C4orf50: variants seen among roughly 807,000 people sequenced by gnomAD.
C4orf50 encodes uncharacterized protein C4orf50.
In C4orf50, 80 loss-of-function variants were observed where a neutral mutation model predicts 77.2. The observed-to-expected ratio is 1.04, with a 90% CI of 0.87 to 1.25. C4orf50 has a LOEUF of 1.25. Among genes scored for constraint, C4orf50 ranks in the 50% most tolerant of loss-of-function variants. C4orf50 has a pLI of 0.00. For synonymous variants in C4orf50, 532 were observed against 465.3 expected, an observed-to-expected ratio of 1.14 and a Z score of -1.84; for missense variants, 1,257 against 1,152.9, an observed-to-expected ratio of 1.09 and a Z score of -1.31.
At chr4:5,923,544 G>T (rs991218529) in intron 7 of C4orf50, among the ~76,000 whole-genome samples, 2 of 152,026 alleles carry the variant, frequency 1.3e-5, no homozygotes, top group African/African-American at 4.8e-5. Flanking sequence ...GAGAATGATA[G>T]AAAGGAGGCA....
chr4:5,912,526 G>A (rs1383285568), intron 7 of C4orf50, among the ~76,000 whole-genome samples: 2 of 152,178 alleles, frequency 1.3e-5, no homozygotes, highest in Non-Finnish European at 2.9e-5. Context: ...TGTAAAAGGG[G>A]TATGATGGTG....
chr4:5,953,672 G>A (rs1409661644), downstream of C4orf50, among the ~76,000 whole-genome samples: 1 of 152,208 alleles, frequency 6.6e-6, no homozygotes, highest in Non-Finnish European at 1.5e-5. Context: ...ATGGGGGCAG[G>A]TCCAGCCCCT....
chr4:5,937,638 T>C (rs982580453), intron 7 of C4orf50, among the ~76,000 whole-genome samples: 3 of 152,170 alleles, frequency 2.0e-5, no homozygotes, highest in African/African-American at 4.8e-5. Flanking sequence ...AGACAAGGAT[T>C]GTTGTAAGCT....
At chr4:5,996,641 G>C (rs565528328) in intron 25 of C4orf50, among the ~76,000 whole-genome samples, 1 of 152,214 alleles carries the variant, frequency 6.6e-6, no homozygotes, top group African/African-American at 2.4e-5. Flanking sequence ...TGGGTTGGTG[G>C]CCTCCTGTTG....
intron 27 of C4orf50, among the ~76,000 whole-genome samples, chr4:5,991,120 G>A (rs1721261104): frequency 6.6e-6 from 1 of 152,036 alleles, no homozygotes; most frequent in African/African-American, 2.4e-5. Flanking sequence ...CCTCACTCTC[G>A]GGCCATCCAC....
At chr4:5,989,904 C>G in exon 28 of C4orf50, 1 of 1,431,240 alleles carries the variant, frequency 7.0e-7, no homozygotes, top group African/African-American at 1.4e-5. Context: ...CTTGCAGAAG[C>G]AGAGCATTTC....
intron 7 of C4orf50, among the ~76,000 whole-genome samples, chr4:5,950,695 A>T (rs576943302): frequency 2.6e-5 from 2 of 75,864 alleles, no homozygotes; most frequent in East Asian, 4.0e-4. Flanking sequence ...TTTCCTACCC[A>T]CTGTCTCCAC....
In C4orf50 at chr4:6,000,140, G is replaced by A. The variant is rs115550073; in HGVS notation, c.964-5664C>T. 5.2e-3 allele frequency among the ~76,000 whole-genome samples: 791 copies of A among 152,188 alleles called. 1 individual carries two copies. The highest frequency in any genetic ancestry group is 9.5e-3 in the Non-Finnish European group (644 of 68,000). On this transcript the variant is annotated intron_variant, in intron 25 of 33. Coordinates refer to ENST00000531445, the Ensembl canonical transcript of C4orf50. This position sits in a 1 kb window ranked among gnomAD's most constrained non-coding sequence, Gnocchi z 6.0. ...TGCTGAAGACCTGCGTGTGGCTCTCGGTCCTCCTGGGTCACTCCCAGTCCT... is the reference window on the plus strand; with the variant it reads ...TGCTGAAGACCTGCGTGTGGCTCTCAGTCCTCCTGGGTCACTCCCAGTCCT...
chr4:5,950,006 A>AC (rs1449884038), intron 7 of C4orf50, among the ~76,000 whole-genome samples: 1 of 150,048 alleles, frequency 6.7e-6, no homozygotes, highest in Non-Finnish European at 1.5e-5. Context: ...AAAAAAAAAA[A>AC]GGTTAAAATG....
At chr4:5,940,665 C>T in intron 7 of C4orf50, among the ~76,000 whole-genome samples, 1 of 152,190 alleles carries the variant, frequency 6.6e-6, no homozygotes, top group East Asian at 1.9e-4. Context: ...ACTCCCCTGC[C>T]CCTCCCAGCT....
intron 7 of C4orf50, chr4:5,899,983 C>T (rs1171955838): frequency 6.6e-6 from 1 of 152,208 alleles, no homozygotes; most frequent in Non-Finnish European, 1.5e-5. Context: ...CCTGGACTCC[C>T]AGCCCAGAGC....
intron 7 of C4orf50, among the ~76,000 whole-genome samples, chr4:5,912,124 AT>A (rs1468094737): frequency 1.3e-5 from 2 of 152,122 alleles, no homozygotes; most frequent in Non-Finnish European, 2.9e-5. Flanking sequence ...GATTTTCGGC[AT>A]TTTTTAATTT....
chr4:5,991,027 T>A (rs1054052330), intron 27 of C4orf50, among the ~76,000 whole-genome samples: 1 of 152,196 alleles, frequency 6.6e-6, no homozygotes, highest in Non-Finnish European at 1.5e-5. Flanking sequence ...TTCCCCTAGA[T>A]GCCCTCATGG....
chr4:6,001,099 AG>A (rs1721812257), intron 25 of C4orf50, among the ~76,000 whole-genome samples: 2 of 152,212 alleles, frequency 1.3e-5, no homozygotes, highest in Non-Finnish European at 2.9e-5. Flanking sequence ...TGGTTTTTCA[AG>A]GGCCATGGTT....
intron 7 of C4orf50, among the ~76,000 whole-genome samples, chr4:5,935,535 C>T (rs565513017): frequency 6.6e-5 from 10 of 152,212 alleles, no homozygotes; most frequent in African/African-American, 2.4e-4. Flanking sequence ...TGACTGTGAT[C>T]CCAGCACTTT....
intron 7 of C4orf50, among the ~76,000 whole-genome samples, chr4:5,909,341 A>G (rs1018785006): frequency 1.3e-5 from 2 of 152,200 alleles, no homozygotes; most frequent in Non-Finnish European, 2.9e-5. Flanking sequence ...TATTTTGCCC[A>G]TTTTAAAATC....
exon 28 of C4orf50, chr4:5,989,826 C>T: frequency 6.8e-7 from 1 of 1,480,796 alleles, no homozygotes; most frequent in Non-Finnish European, 8.9e-7. Context: ...CCCTGCACCC[C>T]AGACCGGATG....
At chr4:5,937,278 A>G (rs1718066899) in intron 7 of C4orf50, among the ~76,000 whole-genome samples, 1 of 152,196 alleles carries the variant, frequency 6.6e-6, no homozygotes, top group South Asian at 2.1e-4. Flanking sequence ...GGGAAACATA[A>G]AAGATGCAAG....
chr4:6,008,198 C>T lies in C4orf50; in HGVS notation c.761G>A (p.Arg254Gln), dbSNP rs1307979454. 7.5e-6 allele frequency: 3 copies of T among 397,762 alleles called. No homozygotes were observed. The highest frequency in any genetic ancestry group is 4.1e-5 in the African/African-American group (2 of 48,584). The allele number at this position is 397,762 out of a possible 1,614,324, so 24.6% of individuals were successfully genotyped here. A position where few individuals can be genotyped will look rare whatever the true frequency, so the allele number is the denominator to read the frequency against. ...CTGCAGGCTGCGCGCCGCCTCTTCC[C>T]GCTCGCGCTCGCTGCGCTCTGCCCT... The change falls in exon 25 of 34, where the codon CGG (arginine) becomes CAG (glutamine). Residue 254 changes from arginine to glutamine, a missense_variant. Transcript: ENST00000531445. This position sits in a 1 kb window ranked among gnomAD's most constrained non-coding sequence, Gnocchi z 6.0.
Sources: allele counts gnomAD v4.1 joint callset (sites outside exome capture counted in the v4.1 genomes callset), GRCh38; gene constraint gnomAD v4.1.1; non-coding constraint Gnocchi (gnomAD v3.1); transcripts MANE v1.5; gene names NCBI Gene and HGNC (gene_info 2026-07-23, HGNC 2026-07-21).